The following GRM1 variants were observed in gnomAD, a reference collection of about 807,000 sequenced individuals.
The protein encoded by GRM1 is metabotropic glutamate receptor 1.
Under a neutral mutation model 90.9 loss-of-function variants are expected in GRM1, and 33 were observed. That is an observed-to-expected ratio of 0.36 (90% CI 0.28 to 0.49). The LOEUF (loss-of-function observed/expected upper bound fraction) is 0.49, where lower values mean the gene tolerates loss of function less well. GRM1 is among the 20% of genes least tolerant of loss of function. GRM1 has a pLI of 0.99. For missense variants in GRM1, 1,190 were observed against 1,534.3 expected, an observed-to-expected ratio of 0.78 and a Z score of 3.75; for synonymous variants, 700 against 613.2, an observed-to-expected ratio of 1.14 and a Z score of -2.09.
At chr6:146,108,735 A>G (rs1411254402) in intron 1 of GRM1, among the ~76,000 whole-genome samples, 4 of 152,186 alleles carry the variant, frequency 2.6e-5, no homozygotes, top group Non-Finnish European at 4.4e-5. Flanking sequence ...AGACAGGAAA[A>G]TGTGGGAAAG....
chr6:146,187,702 CAAG>C (rs1422989535), intron 2 of GRM1, among the ~76,000 whole-genome samples: 1 of 150,446 alleles, frequency 6.6e-6, no homozygotes, highest in Non-Finnish European at 1.5e-5. Flanking sequence ...TGCTAACAAA[CAAG>C]AAGAAAAATA....
At chr6:146,148,113 T>C (rs1777179388) in intron 1 of GRM1, among the ~76,000 whole-genome samples, 1 of 152,220 alleles carries the variant, frequency 6.6e-6, no homozygotes, top group South Asian at 2.1e-4. Flanking sequence ...AAAATTGTTA[T>C]GTGGGCATTA....
intron 2 of GRM1, among the ~76,000 whole-genome samples, chr6:146,220,953 A>T (rs929761671): frequency 1.3e-5 from 2 of 152,008 alleles, no homozygotes; most frequent in African/African-American, 4.8e-5. Flanking sequence ...CAAGATGAAC[A>T]TGGGAGAGAG....
At chr6:146,401,718 T>G (rs1315850251) in intron 7 of GRM1, among the ~76,000 whole-genome samples, 2 of 152,212 alleles carry the variant, frequency 1.3e-5, no homozygotes, top group African/African-American at 4.8e-5. Context: ...AAGTTTTTCT[T>G]CTAACCATTT....
intron 6 of GRM1, among the ~76,000 whole-genome samples, chr6:146,396,628 G>T (rs1342699701): frequency 6.6e-6 from 1 of 151,790 alleles, no homozygotes; most frequent in Non-Finnish European, 1.5e-5. Flanking sequence ...GAAAAATATG[G>T]TTCAAAACGA....
chr6:146,222,497 C>G (rs896196406), intron 2 of GRM1, among the ~76,000 whole-genome samples: 1 of 151,966 alleles, frequency 6.6e-6, no homozygotes, highest in East Asian at 1.9e-4. Context: ...CAGTCTGAGT[C>G]TGAGTCTCAA....
intron 2 of GRM1, among the ~76,000 whole-genome samples, chr6:146,295,390 ATT>A (rs11309395): frequency 0.01 from 1,527 of 146,304 alleles, 21 homozygotes; most frequent in African/African-American, 0.036. Flanking sequence ...TGCCCGGCTA[ATT>A]TTTTTTTTTT....
In GRM1 at chr6:146,412,527, A is replaced by G. The variant is rs560459738; in HGVS notation, c.2660+12828A>G. 1.2e-4 allele frequency among the ~76,000 whole-genome samples: 18 copies of G among 152,294 alleles called. No homozygotes were observed. The South Asian group carries it at 3.7e-3, about 32-fold the overall frequency. ...CTACCCATGAACATACTACATTCAT[A>G]TGGCATCATACTGTTCTAAGATATT... On this transcript the variant is annotated intron_variant, in intron 7 of 7. Coordinates refer to ENST00000282753, the MANE Select transcript of GRM1 (RefSeq NM_001278064.2).
chr6:146,105,306 C>T (rs1048965546), intron 1 of GRM1, among the ~76,000 whole-genome samples: 1 of 151,930 alleles, frequency 6.6e-6, no homozygotes, highest in Non-Finnish European at 1.5e-5. Flanking sequence ...GATAATGTAG[C>T]CCTTTGGAGT....
intron 2 of GRM1, among the ~76,000 whole-genome samples, chr6:146,197,015 C>T (rs1302347132): frequency 6.6e-6 from 1 of 152,106 alleles, no homozygotes; most frequent in African/African-American, 2.4e-5. Context: ...AAGAAGTTGT[C>T]TAATAATAGA....
chr6:146,334,809 T>A (rs362982), intron 3 of GRM1, among the ~76,000 whole-genome samples: 1,728 of 152,264 alleles, frequency 0.011, 71 homozygotes, highest in East Asian at 0.079. Flanking sequence ...TGCTCCAGGA[T>A]GCCTTATTTC....
intron 1 of GRM1, among the ~76,000 whole-genome samples, chr6:146,041,805 G>A (rs1354841781): frequency 2.6e-5 from 4 of 151,936 alleles, no homozygotes; most frequent in Non-Finnish European, 5.9e-5. Flanking sequence ...GAAGATGGAA[G>A]GCATATTTCT....
intron 1 of GRM1, among the ~76,000 whole-genome samples, chr6:146,138,659 G>T (rs970492122): frequency 6.6e-6 from 1 of 151,810 alleles, no homozygotes; most frequent in African/African-American, 2.4e-5. Flanking sequence ...CCAATTATTG[G>T]CATATAGTTG....
chr6:146,136,660 T>C (rs1408484015), intron 1 of GRM1, among the ~76,000 whole-genome samples: 1 of 152,148 alleles, frequency 6.6e-6, no homozygotes, highest in Non-Finnish European at 1.5e-5. Context: ...GAGCTCCATA[T>C]ATATTATGGT....
intron 1 of GRM1, among the ~76,000 whole-genome samples, chr6:146,108,383 C>T (rs1387674972): frequency 1.3e-5 from 2 of 152,120 alleles, no homozygotes; most frequent in Non-Finnish European, 2.9e-5. Flanking sequence ...ATGTTGTTCT[C>T]ATGATAGTGA....
chr6:146,045,532 C>T (rs1439807153), intron 1 of GRM1, among the ~76,000 whole-genome samples: 3 of 151,768 alleles, frequency 2.0e-5, no homozygotes. Context: ...TTTCAAATGC[C>T]TTTTCTGCCT....
chr6:146,164,913 C>T (rs1777855167), intron 2 of GRM1, among the ~76,000 whole-genome samples: 1 of 151,904 alleles, frequency 6.6e-6, no homozygotes, highest in African/African-American at 2.4e-5. Context: ...GCCCTTTTTA[C>T]TGGATTCTGA....
chr6:146,183,544 C>G (rs768534133), intron 2 of GRM1, among the ~76,000 whole-genome samples: 1 of 152,102 alleles, frequency 6.6e-6, no homozygotes, highest in Non-Finnish European at 1.5e-5. Flanking sequence ...GTCCTGAAAT[C>G]AGCTACTAGG....
intron 7 of GRM1, among the ~76,000 whole-genome samples, chr6:146,409,220 T>C (rs1304478192): frequency 1.3e-5 from 2 of 152,158 alleles, no homozygotes; most frequent in Non-Finnish European, 2.9e-5. Context: ...CAGATATCTT[T>C]ATTTCGTGAG....
Sources: allele counts gnomAD v4.1 joint callset (sites outside exome capture counted in the v4.1 genomes callset), GRCh38; gene constraint gnomAD v4.1.1; transcripts MANE v1.5; gene names NCBI Gene and HGNC (gene_info 2026-07-23, HGNC 2026-07-21).